Variants in SVEP1 observed in about 807,000 individuals in gnomAD.
SVEP1 encodes sushi, von Willebrand factor type A, EGF and pentraxin domain containing 1.
SVEP1 carries 164 observed loss-of-function variants against 367.3 expected under a neutral mutation model. The observed-to-expected ratio is 0.45, with a 90% CI of 0.39 to 0.51. The LOEUF is 0.51. SVEP1 is among the 20% of genes least tolerant of loss of function. The pLI is 0.00. For synonymous variants in SVEP1, 1,666 were observed against 1,611.6 expected (o/e 1.03, Z -0.81); for missense variants, 4,117 against 4,425.3 (o/e 0.93, Z 1.98).
chr9:110,455,538 T>C, intron 22 of SVEP1, 52 bp downstream of exon 22: 1 of 1,340,012 alleles, frequency 7.5e-7, no homozygotes, highest in Middle Eastern at 1.8e-4. Flanking sequence ...AGTGATGAAA[T>C]GTTAATGATT....
At chr9:110,571,433 T>C (rs1830560939) in intron 1 of SVEP1, among the ~76,000 whole-genome samples, 1 of 152,176 alleles carries the variant, frequency 6.6e-6, no homozygotes. Flanking sequence ...TTCTCCTTCT[T>C]GGCATTTGGA....
intron 34 of SVEP1, 135 bp from the exon 35 acceptor site, chr9:110,429,469 G>T: frequency 3.3e-6 from 2 of 603,058 alleles, no homozygotes; most frequent in Non-Finnish European, 5.2e-6. Context: ...CTGAAATAAT[G>T]CTTTTAAATT....
At chr9:110,504,501 A>C (rs1275474363) in intron 5 of SVEP1, among the ~76,000 whole-genome samples, 1 of 152,228 alleles carries the variant, frequency 6.6e-6, no homozygotes, top group Non-Finnish European at 1.5e-5. Flanking sequence ...ATACTGTGGG[A>C]ACATATCATG....
intron 3 of SVEP1, among the ~76,000 whole-genome samples, chr9:110,536,790 G>A (rs1830085258): frequency 6.6e-6 from 1 of 151,818 alleles, no homozygotes; most frequent in East Asian, 1.9e-4. Flanking sequence ...TTGGTGTGCT[G>A]CACCCATTAA....
intron 40 of SVEP1, among the ~76,000 whole-genome samples, chr9:110,390,341 T>TTATATAAGTATATATATAAGTA: frequency 3.3e-5 from 1 of 30,424 alleles, no homozygotes; most frequent in African/African-American, 2.6e-4. Context: ...ATACACATAC[T>TTATATAAGTATATATATAAGTA]TATATACACT....
intron 47 of SVEP1, among the ~76,000 whole-genome samples, chr9:110,368,965 G>A (rs187258817): frequency 0.013 from 1,950 of 150,374 alleles, 23 homozygotes; most frequent in Middle Eastern, 0.024. Context: ...AACAAATCAG[G>A]AAATGAAAAA....
intron 36 of SVEP1, among the ~76,000 whole-genome samples, chr9:110,416,563 A>T (rs994368371): frequency 2.0e-5 from 3 of 152,070 alleles, no homozygotes; most frequent in South Asian, 2.1e-4. Context: ...CCATAAAGAT[A>T]TAAAAGAGAA....
At chr9:110,561,723 G>A (rs1226171866) in intron 1 of SVEP1, among the ~76,000 whole-genome samples, 1 of 152,038 alleles carries the variant, frequency 6.6e-6, no homozygotes, top group Non-Finnish European at 1.5e-5. Context: ...AACAAAATAA[G>A]TAAACAAATA....
intron 35 of SVEP1, among the ~76,000 whole-genome samples, chr9:110,428,369 TCTGA>T (rs769097813): frequency 5.4e-5 from 8 of 147,814 alleles, no homozygotes; most frequent in Non-Finnish European, 1.2e-4. Flanking sequence ...CTGATCACAG[TCTGA>T]CTTTCTCCAC....
At chr9:110,518,111 T>C (rs932282473) in intron 3 of SVEP1, among the ~76,000 whole-genome samples, 3 of 152,170 alleles carry the variant, frequency 2.0e-5, no homozygotes, top group African/African-American at 4.8e-5. Flanking sequence ...ATAGGTATTA[T>C]GTGGGCAAAA....
At position 110,432,555 on chromosome 9, in the gene SVEP1, A is replaced by T. The variant is rs774765722; in HGVS notation, c.5140T>A (p.Tyr1714Asn). ...AGATAGTAGCCATTGTTGCACTGGT[A>T]GGTTACTGTGCTGCCAGCATAGAAG... ...DDFYAGSTVTYQCNNGYYLLG... is the reference protein window; with the variant it reads ...DDFYAGSTVTNQCNNGYYLLG... Residue 1714 changes from tyrosine to asparagine, a missense_variant, in exon 31 of 48, where the codon TAC (tyrosine) becomes AAC (asparagine). Physicochemically the swap from Tyr to Asn is moderately radical, Grantham distance 143. Around this residue, in one of 4 missense-constraint regions of SVEP1, gnomAD observed 2,174 missense variants for 2,494.3 expected, o/e 0.87. Transcript: ENST00000374469. 6.2e-6 allele frequency: 10 copies of T among 1,613,936 alleles called. No homozygotes were observed. The highest frequency in any genetic ancestry group is 1.7e-4 in the Middle Eastern group (1 of 6,058).
At chr9:110,522,790 C>T (rs747893106) in intron 3 of SVEP1, among the ~76,000 whole-genome samples, 1 of 152,072 alleles carries the variant, frequency 6.6e-6, no homozygotes, top group Non-Finnish European at 1.5e-5. Flanking sequence ...TTCTTCACTC[C>T]TCTACCTCAC....
chr9:110,496,809 C>T lies in SVEP1; in HGVS notation c.1800+6G>A, dbSNP rs2118740887. The T allele has an allele frequency of 6.5e-7, 1 of 1,546,354 alleles. No homozygotes were observed. Among genetic ancestry groups the T allele is most frequent in the South Asian group, 1.2e-5 (1 of 83,794 alleles). ...AAAAGGATGCACATAATTGCACAAA[C>T]CTTACCTTTTCACCAGAGTTGTCTT... On this transcript the variant is annotated splice_donor_region_variant and intron_variant, in intron 8 of 47. Coordinates refer to ENST00000374469, the MANE Select transcript of SVEP1 (RefSeq NM_153366.4).
chr9:110,370,081 G>T lies in SVEP1; in HGVS notation c.10601-65C>A, dbSNP rs1369875974. 2.1e-6 allele frequency: 3 copies of T among 1,423,564 alleles called. No homozygotes were observed. In the Admixed American group the frequency reaches 5.8e-5, roughly 27 times the overall value. The allele number at this position is 1,423,564 out of a possible 1,614,324, so 88.2% of individuals were successfully genotyped here. Reference sequence around the variant, plus strand: ...AGCAATTCTGATGATATCCATAAAGGCACGTAGGATAAGATTTGACTCTAC... The same window carrying T: ...AGCAATTCTGATGATATCCATAAAGTCACGTAGGATAAGATTTGACTCTAC... On this transcript the variant is annotated intron_variant, in intron 46 of 47. Coordinates refer to ENST00000374469, the MANE Select transcript of SVEP1 (RefSeq NM_153366.4).
At chr9:110,542,695 C>G (rs949052345) in intron 3 of SVEP1, among the ~76,000 whole-genome samples, 6 of 151,960 alleles carry the variant, frequency 3.9e-5, no homozygotes, top group African/African-American at 1.5e-4. Flanking sequence ...GAATACCTAC[C>G]TCATACCTAG....
intron 8 of SVEP1, among the ~76,000 whole-genome samples, chr9:110,490,893 T>C (rs1829356809): frequency 3.3e-5 from 5 of 152,048 alleles, no homozygotes. Context: ...GTTTATTTTC[T>C]TCATCCATTG....
intron 27 of SVEP1, among the ~76,000 whole-genome samples, chr9:110,440,623 G>C (rs1828498437): frequency 6.6e-6 from 1 of 152,234 alleles, no homozygotes; most frequent in Non-Finnish European, 1.5e-5. Context: ...AGCTCAGTGA[G>C]AAAGGGCTGG....
intron 1 of SVEP1, among the ~76,000 whole-genome samples, chr9:110,567,554 C>T (rs1378676804): frequency 6.6e-6 from 1 of 152,198 alleles, no homozygotes; most frequent in Non-Finnish European, 1.5e-5. Flanking sequence ...CAAATGCTGG[C>T]CCATGTGTGA....
intron 5 of SVEP1, among the ~76,000 whole-genome samples, chr9:110,511,488 C>CTTTTTTTTTT (rs199993986): frequency 1.8e-4 from 14 of 77,548 alleles, no homozygotes; most frequent in Non-Finnish European, 1.9e-4. Flanking sequence ...GTGTCAGTAC[C>CTTTTTTTTTT]TTTTTTTTTT....
Sources: gnomAD v4.1 joint callset for allele counts (sites outside exome capture counted in the v4.1 genomes callset) on GRCh38, gnomAD v4.1.1 for gene constraint, gnomAD v4.1.1 regional missense constraint, MANE v1.5 for transcripts, NCBI Gene and HGNC (gene_info 2026-07-23, HGNC 2026-07-21) for gene names.